The following TOGARAM2 variants were observed in gnomAD, a reference collection of about 807,000 sequenced individuals.
TOGARAM2 encodes TOG array regulator of axonemal microtubules 2, also known as TOG array regulator of axonemal microtubules protein 2.
TOGARAM2 carries 85 observed loss-of-function variants against 93.3 expected under a neutral mutation model. The ratio of observed to expected loss-of-function variants is 0.91; its 90% CI spans 0.76 to 1.09. The LOEUF (loss-of-function observed/expected upper bound fraction) is 1.09, where lower values mean the gene tolerates loss of function less well. TOGARAM2 is among the 50% of genes least tolerant of loss of function. The pLI is 0.00. For synonymous variants in TOGARAM2, 593 were observed against 552.8 expected (o/e 1.07, Z -1.02); for missense variants, 1,277 against 1,334.5 (o/e 0.96, Z 0.67).
intron 10 of TOGARAM2, among the ~76,000 whole-genome samples, chr2:29,019,608 G>C (rs1199317096): frequency 2.6e-5 from 4 of 152,186 alleles, no homozygotes; most frequent in Non-Finnish European, 5.9e-5. Flanking sequence ...GCTTGACCCA[G>C]GATAGTCTGT....
chr2:29,002,627 G>A lies in TOGARAM2; in HGVS notation c.519G>A (p.Arg173=), dbSNP rs751807619. Residue 173 remains arginine, a synonymous_variant, in exon 5 of 20, where the codon AGG becomes AGA. Coordinates refer to ENST00000379558, the MANE Select transcript of TOGARAM2 (RefSeq NM_199280.4). The part of the protein sequence containing the change: ...ATSQRLLRVP[R]PMPLIQSIPT... ...CTCAGAGGCTGCTGAGGGTGCCCAGGCCGATGCCTCTCATCCAGAGCATCC... is the reference window on the plus strand; with the variant it reads ...CTCAGAGGCTGCTGAGGGTGCCCAGACCGATGCCTCTCATCCAGAGCATCC... 2.5e-6 allele frequency: 4 copies of A among 1,613,934 alleles called. No individual in the cohort carries two copies. In the Admixed American group the frequency reaches 6.7e-5, roughly 27 times the overall value.
At chr2:29,014,627 C>T in intron 8 of TOGARAM2, 66 bp downstream of exon 8, 1 of 1,523,260 alleles carries the variant, frequency 6.6e-7, no homozygotes, top group Non-Finnish European at 8.8e-7. Flanking sequence ...GGAAGGCAAG[C>T]AAGTGTCTGA....
Position 29,034,310 on chromosome 2 carries a change from T to C in TOGARAM2, c.2225+747T>C, listed in dbSNP as rs143157825. On this transcript the variant is annotated intron_variant, in intron 16 of 19. Coordinates refer to ENST00000379558, the MANE Select transcript of TOGARAM2 (RefSeq NM_199280.4). ...TCTGCACCTAGAACATGTCTATTGG[T>C]TCTGCAAGATTCAGCTCACCTGTCA... Among the ~76,000 whole-genome samples, 261 of 152,356 alleles carry C rather than the reference T, an allele frequency of 1.7e-3. 3 individuals carry two copies. Among genetic ancestry groups the C allele is most frequent in the African/African-American group, 6.0e-3 (250 of 41,590 alleles).
At chr2:28,976,312 A>G (rs1178909602), upstream of TOGARAM2, among the ~76,000 whole-genome samples, 5 of 152,226 alleles carry the variant, frequency 3.3e-5, no homozygotes, top group Admixed American at 6.5e-5. Context: ...CGGAGCTTGC[A>G]GTGAGCTGAG....
At position 28,973,238 on chromosome 2, in the gene TOGARAM2, C is replaced by T. The variant is rs968690759; in HGVS notation, c.-147+16541C>T. Among the ~76,000 whole-genome samples the T allele has an allele frequency of 6.6e-5, 10 of 152,184 alleles. No homozygotes were observed. The South Asian group carries it at 8.3e-4, about 13-fold the overall frequency. On this transcript the variant is annotated intron_variant, in intron 1 of 6. Coordinates refer to the TOGARAM2 transcript ENST00000401723. The stretch of plus-strand genomic sequence containing the variant: ...CTCCCCCGAGGCTCTATCCAGATGG[C>T]TCAAGCCTGTCCTCACCTGCCTGCC...
At chr2:28,979,511 C>A (rs1672093769), upstream of TOGARAM2, among the ~76,000 whole-genome samples, 1 of 152,200 alleles carries the variant, frequency 6.6e-6, no homozygotes, top group African/African-American at 2.4e-5. Flanking sequence ...GCTGTGTTAT[C>A]CATCCTCCCT....
rs534748232 is a variant in TOGARAM2, at chr2:29,042,334, G to A, written c.2636-2990G>A. 7.9e-5 allele frequency among the ~76,000 whole-genome samples: 12 copies of A among 152,346 alleles called. No homozygotes were observed. The South Asian group carries it at 2.1e-3, about 26-fold the overall frequency. On this transcript the variant is annotated intron_variant, in intron 18 of 19. Coordinates refer to ENST00000379558, the MANE Select transcript of TOGARAM2 (RefSeq NM_199280.4). Reference sequence around the variant, plus strand: ...GCACCTGCAGTGTGCTGTGCACCGTGGGAGCATGGTCTGGCACAGGTCTCT... The same window carrying A: ...GCACCTGCAGTGTGCTGTGCACCGTAGGAGCATGGTCTGGCACAGGTCTCT...
At chr2:29,001,094 GCTGCTCTGGCCC>G (rs1463224135) in intron 4 of TOGARAM2, among the ~76,000 whole-genome samples, 3 of 152,148 alleles carry the variant, frequency 2.0e-5, no homozygotes, top group African/African-American at 2.4e-5. Context: ...CAGTGCTGGG[GCTGCTCTGGCCC>G]CTGCATTGAG....
chr2:28,957,770 G>A (rs1053533868), intron 1 of TOGARAM2, among the ~76,000 whole-genome samples: 23 of 152,212 alleles, frequency 1.5e-4, no homozygotes, highest in Admixed American at 1.4e-3. Flanking sequence ...CATAGGATAG[G>A]GAAGGAGTAG....
chr2:28,960,976 A>G (rs1671798373), intron 1 of TOGARAM2, among the ~76,000 whole-genome samples: 1 of 152,234 alleles, frequency 6.6e-6, no homozygotes, highest in Non-Finnish European at 1.5e-5. Flanking sequence ...TCATACCGGA[A>G]CACACCAAGA....
intron 6 of TOGARAM2, among the ~76,000 whole-genome samples, chr2:29,004,540 CCA>C (rs1252091252): frequency 3.9e-5 from 6 of 152,172 alleles, no homozygotes. Flanking sequence ...CGTGGTCAGT[CCA>C]GAGTGATGTC....
At chr2:28,993,643 T>C (rs1672849181) in intron 1 of TOGARAM2, among the ~76,000 whole-genome samples, 1 of 152,194 alleles carries the variant, frequency 6.6e-6, no homozygotes, top group Admixed American at 6.5e-5. Flanking sequence ...AGGGAACTCA[T>C]GTCTTGAGGT....
chr2:29,007,272 C>G (rs1459368963), intron 6 of TOGARAM2, among the ~76,000 whole-genome samples: 1 of 152,140 alleles, frequency 6.6e-6, no homozygotes. Context: ...GATCCAGCAC[C>G]AGAGGGAGAG....
chr2:28,969,211 A>C (rs6547899), intron 1 of TOGARAM2, among the ~76,000 whole-genome samples: 123,746 of 152,188 alleles, frequency 0.81, 50,601 homozygotes, highest in East Asian at 1. Context: ...TTTGCAGTGC[A>C]GGCCATCTCT....
chr2:28,998,592 C>G (rs548320234), intron 3 of TOGARAM2, among the ~76,000 whole-genome samples: 22 of 152,300 alleles, frequency 1.4e-4, no homozygotes, highest in Non-Finnish European at 2.9e-4. Context: ...GCATCTGCAG[C>G]CTGGGTCTCT....
At chr2:29,007,280 G>T (rs920651093) in intron 6 of TOGARAM2, among the ~76,000 whole-genome samples, 3 of 152,166 alleles carry the variant, frequency 2.0e-5, no homozygotes, top group Non-Finnish European at 4.4e-5. Flanking sequence ...ACCAGAGGGA[G>T]AGACAGGGAG....
chr2:29,045,776 G>A (rs1012477492), intron 19 of TOGARAM2: 3 of 308,362 alleles, frequency 9.7e-6, no homozygotes, highest in African/African-American at 6.6e-5. Context: ...TTGGATTAGG[G>A]ATGCAGAACT....
chr2:28,991,377 G>C (rs2148260023), intron 1 of TOGARAM2, among the ~76,000 whole-genome samples: 1 of 152,294 alleles, frequency 6.6e-6, no homozygotes, highest in East Asian at 1.9e-4. Context: ...TTCCGAGAGT[G>C]TGTCAGTGGG....
intron 12 of TOGARAM2, among the ~76,000 whole-genome samples, 174 bp from the exon 13 acceptor site, chr2:29,023,965 A>G (rs779604144): frequency 3.3e-5 from 5 of 152,166 alleles, no homozygotes; most frequent in Non-Finnish European, 7.4e-5. Flanking sequence ...ATGATAACAA[A>G]ATGGGACAGT....
Sources: gnomAD v4.1 joint callset for allele counts (sites outside exome capture counted in the v4.1 genomes callset) on GRCh38, gnomAD v4.1.1 for gene constraint, MANE v1.5 for transcripts, NCBI Gene and HGNC (gene_info 2026-07-23, HGNC 2026-07-21) for gene names.